The following AASDH variants were observed in gnomAD, a reference collection of about 807,000 sequenced individuals.
AASDH encodes aminoadipate-semialdehyde dehydrogenase, also known as beta-alanine-activating enzyme.
In AASDH, 81 loss-of-function variants were observed where a neutral mutation model predicts 102.3. The ratio of observed to expected loss-of-function variants is 0.79; its 90% CI spans 0.66 to 0.95. The LOEUF is 0.95. Among genes scored for constraint, AASDH ranks in the 40% least tolerant of loss-of-function variants. AASDH has a pLI of 0.00. For synonymous variants in AASDH, 398 were observed against 454.0 expected (o/e 0.88, Z 1.57); for missense variants, 1,203 against 1,266.2 (o/e 0.95, Z 0.76).
Position 56,349,754 on chromosome 4 carries a change from A to G in AASDH, c.1997T>C (p.Ile666Thr). 1 of 1,614,218 alleles carries G rather than the reference A, an allele frequency of 6.2e-7. No homozygotes were observed. The highest frequency in any genetic ancestry group is 1.3e-5 in the African/African-American group (1 of 75,066). The change falls in exon 11 of 15, where the codon ATC (isoleucine) becomes ACC (threonine). Residue 666 changes from isoleucine (I) to threonine (T), a missense_variant. Physicochemically the swap from Ile to Thr is moderately conservative, Grantham distance 89. Transcript: ENST00000205214. The stretch of plus-strand genomic sequence containing the variant: ...CTCATTGTGGCAAGTGAAAGTCATG[A>G]TGGCTTTCTGATGTAAAGATGTTCC... Reference protein sequence around the residue: ...ASGTSLHQKAIMTFTCHNEIN... With the variant: ...ASGTSLHQKATMTFTCHNEIN...
chr4:56,361,272 G>A (rs1304682006), intron 5 of AASDH, among the ~76,000 whole-genome samples: 3 of 152,022 alleles, frequency 2.0e-5, no homozygotes, highest in Non-Finnish European at 2.9e-5. Flanking sequence ...AGCAGGGTGT[G>A]GTGGCACACA....
At chr4:56,355,937 G>C (rs1367121381) in intron 5 of AASDH, among the ~76,000 whole-genome samples, 3 of 151,838 alleles carry the variant, frequency 2.0e-5, no homozygotes, top group Non-Finnish European at 4.4e-5. Flanking sequence ...TTCCTAATGT[G>C]GGTATCACTT....
At chr4:56,368,671 A>T (rs1187537343) in intron 5 of AASDH, among the ~76,000 whole-genome samples, 1 of 139,846 alleles carries the variant, frequency 7.2e-6, no homozygotes. Flanking sequence ...TTGAACAGTG[A>T]GAACACATGG....
chr4:56,340,823 A>T (rs1236583646), intron 14 of AASDH, among the ~76,000 whole-genome samples: 1 of 152,186 alleles, frequency 6.6e-6, no homozygotes, highest in African/African-American at 2.4e-5. Flanking sequence ...AAACAACACA[A>T]CAGTAAACAA....
chr4:56,373,827 T>G (rs905635880), intron 4 of AASDH, among the ~76,000 whole-genome samples: 9 of 15,152 alleles, frequency 5.9e-4, no homozygotes, highest in Non-Finnish European at 7.9e-4. Context: ...TGCATACAGT[T>G]CATGTAGTTC....
intron 5 of AASDH, among the ~76,000 whole-genome samples, chr4:56,368,067 C>T (rs1235425531): frequency 1.3e-5 from 2 of 152,132 alleles, no homozygotes; most frequent in Admixed American, 6.5e-5. Context: ...AGGATATGAA[C>T]AGACACTTCT....
intron 14 of AASDH, among the ~76,000 whole-genome samples, chr4:56,341,869 T>C (rs987056990): frequency 6.6e-6 from 1 of 151,550 alleles, no homozygotes; most frequent in African/African-American, 2.4e-5. Flanking sequence ...CTCAATACTT[T>C]GGGAGGCTGA....
chr4:56,347,976 C>A (rs1239384358), intron 11 of AASDH, among the ~76,000 whole-genome samples: 1 of 151,842 alleles, frequency 6.6e-6, no homozygotes, highest in Admixed American at 6.6e-5. Context: ...CATGGTGAAA[C>A]CCCATCTCTA....
chr4:56,349,424 G>A lies in AASDH; in HGVS notation c.2327C>T (p.Pro776Leu). The A allele has an allele frequency of 6.2e-7, 1 of 1,613,704 alleles. No homozygotes were observed. The highest frequency in any genetic ancestry group is 1.1e-5 in the South Asian group (1 of 91,038). Residue 776 changes from proline to leucine, a missense_variant, in exon 11 of 15, where the codon CCC (proline) becomes CTC (leucine). By Grantham distance (98) the Pro-to-Leu change is moderately conservative. Coordinates refer to ENST00000205214, the MANE Select transcript of AASDH (RefSeq NM_181806.4). ...AGTTGTAGATGACTTATCAAAAGTG[G>A]GTATTACAACCAGCGGTGAAGCATC... Reference protein sequence around the residue: ...CVDASPLVVIPTFDKSSTTVY... With the variant: ...CVDASPLVVILTFDKSSTTVY...
At chr4:56,363,373 T>C (rs1483788417) in intron 5 of AASDH, among the ~76,000 whole-genome samples, 1 of 151,984 alleles carries the variant, frequency 6.6e-6, no homozygotes, top group African/African-American at 2.4e-5. Context: ...TTGAAGAGAG[T>C]AGTGGTTCTC....
intron 4 of AASDH, among the ~76,000 whole-genome samples, chr4:56,377,458 T>C (rs1350876431): frequency 1.3e-5 from 2 of 152,244 alleles, no homozygotes; most frequent in Non-Finnish European, 2.9e-5. Flanking sequence ...CAACAGGGCA[T>C]ACCAGGCTCC....
intron 3 of AASDH, chr4:56,381,857 A>T (rs1361464821): frequency 1.3e-5 from 2 of 152,216 alleles, no homozygotes; most frequent in Non-Finnish European, 2.9e-5. Flanking sequence ...CTTGCTGAAG[A>T]TATAACACCA....
At chr4:56,384,931 G>A (rs967039640) in intron 1 of AASDH, among the ~76,000 whole-genome samples, 1 of 152,018 alleles carries the variant, frequency 6.6e-6, no homozygotes, top group Non-Finnish European at 1.5e-5. Flanking sequence ...AAAATTAGCC[G>A]GGCAAGGTGG....
At chr4:56,352,794 C>T (rs939372672) in intron 9 of AASDH, among the ~76,000 whole-genome samples, 1 of 152,198 alleles carries the variant, frequency 6.6e-6, no homozygotes, top group Non-Finnish European at 1.5e-5. Context: ...ATTCTCAGGC[C>T]TTAGGACACA....
At chr4:56,367,078 C>T (rs1353760694) in intron 5 of AASDH, among the ~76,000 whole-genome samples, 10 of 152,162 alleles carry the variant, frequency 6.6e-5, no homozygotes, top group Non-Finnish European at 1.5e-4. Context: ...ACACCAATAA[C>T]AGACAAACAG....
chr4:56,349,124 C>T, intron 11 of AASDH, 139 bp downstream of exon 11: 1 of 888,288 alleles, frequency 1.1e-6, no homozygotes, highest in Non-Finnish European at 1.7e-6. Context: ...CAATATTAAT[C>T]AGCACAGGGT....
chr4:56,356,737 G>A lies in AASDH; in HGVS notation c.862-1314C>T, dbSNP rs776802021. 12 of 714,620 alleles carry A rather than the reference G, an allele frequency of 1.7e-5. 1 individual carries two copies. The highest frequency in any genetic ancestry group is 7.1e-5 in the South Asian group (5 of 70,900). The allele number at this position is 714,620 out of a possible 1,614,324, so 44.3% of individuals were successfully genotyped here. A position where few individuals can be genotyped will look rare whatever the true frequency, so the allele number is the denominator to read the frequency against. On this transcript the variant is annotated intron_variant, in intron 5 of 14. Transcript: ENST00000205214. ...CCACAGGAAGACCTGTACCACTGTC[G>A]CCTTCACACAGGTTAACTTGGAAGA...
chr4:56,378,552 C>A, intron 3 of AASDH, 88 bp from the exon 4 acceptor site: 1 of 1,140,144 alleles, frequency 8.8e-7, no homozygotes. Flanking sequence ...TACAGTCATC[C>A]CTCAGTATCC....
chr4:56,366,488 C>T (rs1437622526), intron 5 of AASDH, among the ~76,000 whole-genome samples: 13 of 152,016 alleles, frequency 8.6e-5, no homozygotes, highest in Admixed American at 2.6e-4. Flanking sequence ...ACTGGCAAAC[C>T]GAATCCAGCA....
Sources: allele counts gnomAD v4.1 joint callset (sites outside exome capture counted in the v4.1 genomes callset), GRCh38; gene constraint gnomAD v4.1.1; transcripts MANE v1.5; gene names NCBI Gene and HGNC (gene_info 2026-07-23, HGNC 2026-07-21).